RERE: variants seen among roughly 807,000 people sequenced by gnomAD.
The protein encoded by RERE is arginine-glutamic acid dipeptide repeats.
A neutral mutation model predicts 146.1 loss-of-function variants in RERE; 40 were observed. The ratio of observed to expected loss-of-function variants is 0.27; its 90% CI spans 0.21 to 0.36. The LOEUF (loss-of-function observed/expected upper bound fraction) is 0.36, where lower values mean the gene tolerates loss of function less well. Ranked by LOEUF, RERE falls within the 10% of genes least tolerant of loss-of-function variation. The pLI is 1.00. For synonymous variants in RERE, 1,003 were observed against 866.0 expected, an observed-to-expected ratio of 1.16 and a Z score of -2.78; for missense variants, 1,933 against 2,138.7, an observed-to-expected ratio of 0.90 and a Z score of 1.90.
At chr1:8,596,195 C>G (rs189032886) in intron 4 of RERE, among the ~76,000 whole-genome samples, 2 of 152,278 alleles carry the variant, frequency 1.3e-5, no homozygotes, top group Non-Finnish European at 2.9e-5. Context: ...GCTTGCTGTC[C>G]CTGAGTACAA....
At chr1:8,557,309 C>T in intron 5 of RERE, 109 bp downstream of exon 5, 9 of 741,396 alleles carry the variant, frequency 1.2e-5, no homozygotes, top group East Asian at 2.7e-5. Context: ...CCTACCAACA[C>T]TCCAAAATCC....
At chr1:8,808,512 T>C (rs1405342488) in intron 1 of RERE, among the ~76,000 whole-genome samples, 1 of 152,202 alleles carries the variant, frequency 6.6e-6, no homozygotes, top group African/African-American at 2.4e-5. Flanking sequence ...AAATACTTTA[T>C]ATGAATTAAT....
chr1:8,544,659 T>G (rs532821289), intron 6 of RERE, among the ~76,000 whole-genome samples: 1 of 152,310 alleles, frequency 6.6e-6, no homozygotes, highest in Admixed American at 6.5e-5. Context: ...GGGAACTTCC[T>G]GAGATGAGGG....
chr1:8,466,494 A>T (rs1644599313), intron 10 of RERE, among the ~76,000 whole-genome samples: 1 of 152,106 alleles, frequency 6.6e-6, no homozygotes, highest in Non-Finnish European at 1.5e-5. Flanking sequence ...GCAGGTGGTG[A>T]AGCCAAGACT....
chr1:8,613,056 A>C (rs1429755352), intron 4 of RERE, among the ~76,000 whole-genome samples: 1 of 152,212 alleles, frequency 6.6e-6, no homozygotes, highest in South Asian at 2.1e-4. Flanking sequence ...ACAATTATCA[A>C]TATATCATCT....
intron 1 of RERE, among the ~76,000 whole-genome samples, chr1:8,781,207 T>G (rs1315669509): frequency 6.6e-6 from 1 of 151,708 alleles, no homozygotes; most frequent in Non-Finnish European, 1.5e-5. Context: ...AATACAAAAA[T>G]TAGCTGGGCA....
At chr1:8,404,309 C>G (rs1027224403) in intron 12 of RERE, among the ~76,000 whole-genome samples, 3 of 151,862 alleles carry the variant, frequency 2.0e-5, no homozygotes, top group East Asian at 3.9e-4. Flanking sequence ...CCCAGGTACT[C>G]GGAGAGGCTG....
At chr1:8,562,345 A>T in intron 4 of RERE, among the ~76,000 whole-genome samples, 1 of 152,222 alleles carries the variant, frequency 6.6e-6, no homozygotes, top group East Asian at 1.9e-4. Flanking sequence ...TAAATGTCAA[A>T]ATGTTTATAA....
At chr1:8,418,613 A>G (rs1192083227) in intron 12 of RERE, among the ~76,000 whole-genome samples, 1 of 152,228 alleles carries the variant, frequency 6.6e-6, no homozygotes, top group Non-Finnish European at 1.5e-5. Flanking sequence ...CCAGACACAA[A>G]AAGTCTTTGG....
rs1421051241 is a variant in RERE at position 8,386,020 on chromosome 1, A to T, written c.1285-20046T>A. Among the ~76,000 whole-genome samples, 267 of 36,620 alleles carry T rather than the reference A, an allele frequency of 7.3e-3. 6 individuals are homozygous for T. The highest frequency in any genetic ancestry group is 0.046 in the East Asian group (53 of 1,152). 24.0% of individuals were successfully genotyped at this position (36,620 alleles called of 152,430 possible). A position where few individuals can be genotyped will look rare whatever the true frequency, so the allele number is the denominator to read the frequency against. ...TATATATATATATATATATATATAT[A>T]TATTTTTTTTTTTTTTTTTTTTTTT... On this transcript the variant is annotated intron_variant, in intron 12 of 22. Transcript: ENST00000400908.
At chr1:8,644,319 A>T (rs1436078625) in intron 2 of RERE, among the ~76,000 whole-genome samples, 1 of 152,144 alleles carries the variant, frequency 6.6e-6, no homozygotes, top group African/African-American at 2.4e-5. Flanking sequence ...GAAGATCCTG[A>T]AGGGCCCTAT....
chr1:8,568,295 T>G (rs1445114462), intron 4 of RERE, among the ~76,000 whole-genome samples: 1 of 152,108 alleles, frequency 6.6e-6, no homozygotes, highest in Admixed American at 6.5e-5. Context: ...TCAGACAGAG[T>G]TGTACTATAG....
At chr1:8,368,956 T>C (rs1009317806) in intron 12 of RERE, among the ~76,000 whole-genome samples, 10 of 151,880 alleles carry the variant, frequency 6.6e-5, no homozygotes, top group African/African-American at 2.4e-4. Flanking sequence ...TCCCAGCTAC[T>C]TGGGAGATCA....
chr1:8,619,089 C>G (rs1403537596), intron 3 of RERE, among the ~76,000 whole-genome samples: 1 of 152,146 alleles, frequency 6.6e-6, no homozygotes, highest in Admixed American at 6.5e-5. Flanking sequence ...AATAACTTGG[C>G]CCCCACATTC....
rs1557593702 is a variant in RERE, at chr1:8,369,535, A to AAAG, written c.1285-3564_1285-3562dup. On this transcript the variant is annotated intron_variant, in intron 12 of 22. Coordinates refer to ENST00000400908, the MANE Select transcript of RERE (RefSeq NM_001042681.2). The stretch of plus-strand genomic sequence containing the variant: ...AAAAAAAAAAAAAAAAAAAAAAAAA[A>AAAG]AAGAAGAAAAGAAAATGACCAGGCA... 1.4e-3 allele frequency among the ~76,000 whole-genome samples: 198 copies of AAAG among 138,314 alleles called. 3 individuals are homozygous for AAAG. Among genetic ancestry groups the AAAG allele is most frequent in the South Asian group, 2.3e-3 (10 of 4,340 alleles). The allele number at this position is 138,314 out of a possible 152,430, so 90.7% of individuals were successfully genotyped here. A position where few individuals can be genotyped will look rare whatever the true frequency, so the allele number is the denominator to read the frequency against.
chr1:8,402,474 G>T (rs1047237983), intron 12 of RERE, among the ~76,000 whole-genome samples: 1 of 152,130 alleles, frequency 6.6e-6, no homozygotes. Flanking sequence ...TCCATAAACA[G>T]AACAAAAAGG....
chr1:8,771,480 C>T (rs1018758831), intron 1 of RERE, among the ~76,000 whole-genome samples: 12 of 149,674 alleles, frequency 8.0e-5, no homozygotes, highest in Middle Eastern at 3.4e-3. Flanking sequence ...GCTGAGATTG[C>T]GCCACTACAC....
rs187424002 is a variant in RERE at position 8,570,110 on chromosome 1, G to A, written c.523-12587C>T. Among the ~76,000 whole-genome samples the A allele has an allele frequency of 8.0e-3, 1,216 of 152,084 alleles. 13 individuals are homozygous for A. Among genetic ancestry groups the A allele is most frequent in the African/African-American group, 0.028 (1,162 of 41,502 alleles). On this transcript the variant is annotated intron_variant, in intron 4 of 22. Coordinates refer to ENST00000400908, the MANE Select transcript of RERE (RefSeq NM_001042681.2). Reference sequence around the variant, plus strand: ...TCCCAGCACTTTGGGAGACTGAGGCGGGCGGATCACGAGGTCAAGAGATCG... The same window carrying A: ...TCCCAGCACTTTGGGAGACTGAGGCAGGCGGATCACGAGGTCAAGAGATCG...
chr1:8,481,530 AGAT>A (rs1644834543), intron 10 of RERE, among the ~76,000 whole-genome samples: 1 of 152,262 alleles, frequency 6.6e-6, no homozygotes, highest in Admixed American at 6.5e-5. Context: ...ATTAATTTTT[AGAT>A]GATAACCACA....
Sources: allele counts gnomAD v4.1 joint callset (sites outside exome capture counted in the v4.1 genomes callset), GRCh38; gene constraint gnomAD v4.1.1; transcripts MANE v1.5; gene names NCBI Gene and HGNC (gene_info 2026-07-23, HGNC 2026-07-21).